The following NIF3L1 variants were observed in gnomAD, a reference collection of about 807,000 sequenced individuals.
NIF3L1 encodes NIF3-like protein 1.
NIF3L1 carries 26 observed loss-of-function variants against 35.0 expected under a neutral mutation model. The ratio of observed to expected loss-of-function variants is 0.74; its 90% confidence interval spans 0.54 to 1.03. The LOEUF (loss-of-function observed/expected upper bound fraction) is 1.03, where lower values mean the gene tolerates loss of function less well. Ranked by LOEUF, NIF3L1 falls within the 50% of genes least tolerant of loss-of-function variation. NIF3L1 has a pLI of 0.00. For missense variants in NIF3L1, 449 were observed against 466.3 expected, an observed-to-expected ratio of 0.96 and a Z score of 0.34; for synonymous variants, 157 against 178.9, an observed-to-expected ratio of 0.88 and a Z score of 0.98.
intron 4 of NIF3L1, among the ~76,000 whole-genome samples, chr2:200,895,975 C>T (rs1438322208): frequency 7.1e-6 from 1 of 140,464 alleles, no homozygotes; most frequent in African/African-American, 3.0e-5. Flanking sequence ...TTTGCCACCC[C>T]CGCTTTTTTT....
chr2:200,889,340 T>G (rs7559150), upstream of NIF3L1: 52 of 275,950 alleles, frequency 1.9e-4, no homozygotes, highest in African/African-American at 1.1e-3. Flanking sequence ...TGCCACAGCA[T>G]CCGGAGCGCC....
intron 4 of NIF3L1, among the ~76,000 whole-genome samples, chr2:200,895,890 A>G (rs2124887517): frequency 6.6e-6 from 1 of 152,112 alleles, no homozygotes; most frequent in South Asian, 2.1e-4. Context: ...CCATATTTTC[A>G]TCTACTTTCT....
intron 3 of NIF3L1, among the ~76,000 whole-genome samples, chr2:200,894,244 A>C (rs1316099591): frequency 2.6e-5 from 4 of 151,898 alleles, no homozygotes; most frequent in Non-Finnish European, 5.9e-5. Flanking sequence ...AGTTTGCCTG[A>C]GAATCTGTCC....
rs369875019 is a variant in NIF3L1, at chr2:200,892,330, C to G, written c.387C>G (p.Ala129=). 52 of 1,612,642 alleles carry G rather than the reference C, an allele frequency of 3.2e-5. No individual in the cohort carries two copies. Among genetic ancestry groups the G allele is most frequent in the Non-Finnish European group, 4.2e-5 (50 of 1,179,860 alleles). ...NRVGIYSPHT[A]YDAAPQGVNN... ...TCGGTATCTACTCTCCTCATACAGC[C>G]TATGATGCTGCGCCCCAGGGCGTCA... Residue 129 remains alanine (A), a synonymous_variant, in exon 2 of 7, where the codon GCC becomes GCG. Coordinates refer to ENST00000409020, the MANE Select transcript of NIF3L1 (RefSeq NM_001369441.2).
At chr2:200,896,173 T>C (rs1208452191) in intron 4 of NIF3L1, among the ~76,000 whole-genome samples, 1 of 152,138 alleles carries the variant, frequency 6.6e-6, no homozygotes, top group Non-Finnish European at 1.5e-5. Context: ...ACCGAGCACC[T>C]AGGAGGCAGT....
intron 4 of NIF3L1, among the ~76,000 whole-genome samples, chr2:200,896,843 C>G (rs2040324835): frequency 6.6e-6 from 1 of 152,162 alleles, no homozygotes; most frequent in African/African-American, 2.4e-5. Context: ...CACAGCCTCC[C>G]AAAGTGCTAG....
At chr2:200,894,547 C>G (rs912344924) in intron 3 of NIF3L1, among the ~76,000 whole-genome samples, 2 of 151,524 alleles carry the variant, frequency 1.3e-5, no homozygotes, top group African/African-American at 4.9e-5. Context: ...ACTACAGGCA[C>G]CCGCCCCCCA....
In NIF3L1 at chr2:200,892,352, G is replaced by A. The variant is rs200394685; in HGVS notation, c.409G>A (p.Val137Ile). Reference protein sequence around the residue: ...HTAYDAAPQGVNNWLAKGLGA... With the variant: ...HTAYDAAPQGINNWLAKGLGA... ...AGCCTATGATGCTGCGCCCCAGGGC[G>A]TCAACAACTGGTTGGCTAAAGGGCT... The change falls in exon 2 of 7, where the codon GTC becomes ATC. Residue 137 changes from valine (V) to isoleucine (I), a missense_variant. Physicochemically the swap from Val to Ile is conservative, Grantham distance 29 (BLOSUM62 3). Coordinates refer to ENST00000409020, the MANE Select transcript of NIF3L1 (RefSeq NM_001369441.2). 105 of 1,603,308 alleles carry A rather than the reference G, an allele frequency of 6.5e-5. No homozygotes were observed. Among genetic ancestry groups the A allele is most frequent in the Admixed American group, 5.9e-4 (35 of 58,974 alleles).
chr2:200,898,147 G>A (rs1208336449), intron 5 of NIF3L1, among the ~76,000 whole-genome samples: 1 of 150,754 alleles, frequency 6.6e-6, no homozygotes, highest in Non-Finnish European at 1.5e-5. Flanking sequence ...CATTTTATAG[G>A]TGAACAATTG....
At position 200,893,239 on chromosome 2, in the gene NIF3L1, T is replaced by C; in HGVS notation, c.437-7T>C. Reference sequence around the variant, plus strand: ...AAACTCCCATTTTCCCACAATATTTTCTCTAGGAGCTTGTACCTCCAGGCC... The same window carrying C: ...AAACTCCCATTTTCCCACAATATTTCCTCTAGGAGCTTGTACCTCCAGGCC... On this transcript the variant is annotated splice_polypyrimidine_tract_variant and splice_region_variant and intron_variant, in intron 2 of 6. Coordinates refer to ENST00000409020, the MANE Select transcript of NIF3L1 (RefSeq NM_001369441.2). 1 of 1,472,016 alleles carries C rather than the reference T, an allele frequency of 6.8e-7. No individual in the cohort carries two copies. Among genetic ancestry groups the C allele is most frequent in the Non-Finnish European group, 9.0e-7 (1 of 1,106,722 alleles). 91.2% of individuals were successfully genotyped at this position (1,472,016 alleles called of 1,614,324 possible).
At chr2:200,891,370 A>G (rs956574691) in intron 1 of NIF3L1, among the ~76,000 whole-genome samples, 1 of 152,214 alleles carries the variant, frequency 6.6e-6, no homozygotes, top group Non-Finnish European at 1.5e-5. Flanking sequence ...GCTGGCTTAT[A>G]TTAGTGATAC....
chr2:200,897,272 G>A (rs1011864255), intron 5 of NIF3L1, 58 bp downstream of exon 5: 19 of 1,551,562 alleles, frequency 1.2e-5, no homozygotes, highest in East Asian at 2.3e-5. Flanking sequence ...GACAAAGATC[G>A]AAACTCTTGG....
In NIF3L1 at chr2:200,903,767, CAG is replaced by C. The variant is rs1261623064; in HGVS notation, c.*94_*95del. Reference sequence around the variant, plus strand: ...TGAGTCAGTGGGACTGGTGTGCTTCCAGAGAGTGTCTTCGAGGGTATCATCAT... The same window carrying C: ...TGAGTCAGTGGGACTGGTGTGCTTCCAGAGTGTCTTCGAGGGTATCATCAT... On this transcript the variant is annotated 3_prime_UTR_variant, in exon 7 of 7. Transcript: ENST00000409020. 2.0e-5 allele frequency: 20 copies of C among 1,015,126 alleles called. No individual in the cohort carries two copies. Among genetic ancestry groups the C allele is most frequent in the Non-Finnish European group, 3.0e-5 (19 of 636,788 alleles). The allele number at this position is 1,015,126 out of a possible 1,614,324, so 62.9% of individuals were successfully genotyped here. A position where few individuals can be genotyped will look rare whatever the true frequency, so the allele number is the denominator to read the frequency against.
At chr2:200,895,496 T>A in intron 4 of NIF3L1, 106 bp downstream of exon 4, 3 of 1,054,322 alleles carry the variant, frequency 2.8e-6, no homozygotes, top group Non-Finnish European at 4.3e-6. Context: ...GTATACCTTA[T>A]TGAGGTATAA....
intron 5 of NIF3L1, chr2:200,899,109 G>T: frequency 3.2e-6 from 1 of 315,442 alleles, no homozygotes; most frequent in Non-Finnish European, 5.9e-6. Context: ...TTTGTGCATT[G>T]TTCCGTATTT....
chr2:200,889,506 G>A lies in NIF3L1; in HGVS notation c.-173G>A, dbSNP rs2040118914. 1 of 174,442 alleles carries A rather than the reference G, an allele frequency of 5.7e-6. No homozygotes were observed. The highest frequency in any genetic ancestry group is 1.6e-4 in the East Asian group (1 of 6,232). 10.8% of individuals were successfully genotyped at this position (174,442 alleles called of 1,614,324 possible). A position where few individuals can be genotyped will look rare whatever the true frequency, so the allele number is the denominator to read the frequency against. ...TGCTGCAGAGGACAGCAGAAGAGGA[G>A]ATTGGGTCAGAAAACTGCCCTGCCG... On this transcript the variant is annotated 5_prime_UTR_variant, in exon 1 of 7. Coordinates refer to ENST00000409020, the MANE Select transcript of NIF3L1 (RefSeq NM_001369441.2).
Position 200,892,037 on chromosome 2 carries a change from G to T in NIF3L1, c.94G>T (p.Ala32Ser). 1.9e-6 allele frequency: 3 copies of T among 1,614,144 alleles called. No individual in the cohort carries two copies. Among genetic ancestry groups the T allele is most frequent in the South Asian group, 1.1e-5 (1 of 91,082 alleles). Residue 32 changes from alanine (A) to serine (S), a missense_variant, in exon 2 of 7, where the codon GCT (alanine) becomes TCT (serine). By Grantham distance (99) the Ala-to-Ser change is moderately conservative. Coordinates refer to ENST00000409020, the MANE Select transcript of NIF3L1 (RefSeq NM_001369441.2). ...TTCCCGTTCCTTCATGGATTTGAAGGCTCTCCTTTCTTCCTTGAATGACTT... is the reference window on the plus strand; with the variant it reads ...TTCCCGTTCCTTCATGGATTTGAAGTCTCTCCTTTCTTCCTTGAATGACTT... ...NSSRSFMDLK[A>S]LLSSLNDFAS...
chr2:200,897,558 C>T (rs148414032), intron 5 of NIF3L1, among the ~76,000 whole-genome samples: 444 of 152,214 alleles, frequency 2.9e-3, no homozygotes, highest in Non-Finnish European at 5.4e-3. Context: ...CTGCTCAACT[C>T]ATTTTCCAGA....
chr2:200,899,517 A>C (rs1319260042), intron 6 of NIF3L1, 49 bp downstream of exon 6: 1 of 1,464,770 alleles, frequency 6.8e-7, no homozygotes, highest in Admixed American at 1.7e-5. Flanking sequence ...CAAAATCAAA[A>C]ATGGCAAATT....
Sources: gnomAD v4.1 joint callset for allele counts (sites outside exome capture counted in the v4.1 genomes callset) on GRCh38, gnomAD v4.1.1 for gene constraint, MANE v1.5 for transcripts, NCBI Gene and HGNC (gene_info 2026-07-23, HGNC 2026-07-21) for gene names.